Variants in HOXC12 observed in about 807,000 individuals in gnomAD.
The protein encoded by HOXC12 is homeobox protein Hox-C12.
HOXC12 carries 24 observed loss-of-function variants against 20.9 expected under a neutral mutation model. The ratio of observed to expected loss-of-function variants is 1.15; its 90% CI spans 0.83 to 1.61. The LOEUF (loss-of-function observed/expected upper bound fraction) is 1.61, where lower values mean the gene tolerates loss of function less well. Among genes scored for constraint, HOXC12 ranks in the 40% most tolerant of loss-of-function variants. HOXC12 has a pLI of 0.00. For synonymous variants in HOXC12, 202 were observed against 197.7 expected (o/e 1.02, Z -0.18); for missense variants, 436 against 406.9 (o/e 1.07, Z -0.62).
rs1258106063 is a variant in HOXC12, at chr12:53,957,003, A to G, written c.*437A>G. ...AGTGGAACCAAGGCACCTCAACCTC[A>G]CAGTTCCTGGGGTTAGAAGAGGCTG... On this transcript the variant is annotated 3_prime_UTR_variant, in exon 2 of 2. Coordinates refer to ENST00000243103, the MANE Select transcript of HOXC12 (RefSeq NM_173860.3). The G allele has an allele frequency of 1.3e-5, 2 of 154,694 alleles. No homozygotes were observed. The highest frequency in any genetic ancestry group is 4.8e-5 in the African/African-American group (2 of 41,472). The allele number at this position is 154,694 out of a possible 1,614,324, so 9.6% of individuals were successfully genotyped here.
In HOXC12 at chr12:53,955,532, G is replaced by T; in HGVS notation, c.603G>T (p.Ser201=). ...CGTTGAACCCCGGCGGCGGGCTCTCGGCCAGCGGTAAGGACCCCGGCCACT... is the reference window on the plus strand; with the variant it reads ...CGTTGAACCCCGGCGGCGGGCTCTCTGCCAGCGGTAAGGACCCCGGCCACT... ...VSPLNPGGGL[S]ASGAPWYPIN... is the part of the protein sequence containing the mutation. Residue 201 remains serine, a synonymous_variant, in exon 1 of 2, where the codon TCG becomes TCT. Transcript: ENST00000243103. 2 of 1,461,294 alleles carry T rather than the reference G, an allele frequency of 1.4e-6. No individual in the cohort carries two copies. The highest frequency in any genetic ancestry group is 1.8e-6 in the Non-Finnish European group (2 of 1,109,918). 90.5% of individuals were successfully genotyped at this position (1,461,294 alleles called of 1,614,324 possible). A position where few individuals can be genotyped will look rare whatever the true frequency, so the allele number is the denominator to read the frequency against.
chr12:53,956,078 G>C lies in HOXC12; in HGVS notation c.611-250G>C, dbSNP rs140305621. ...TAGAAGGGTCATGAATAGTGCAGCAGGAGGTAGGGTTGAGGAGGTAAGAGC... is the reference window on the plus strand; with the variant it reads ...TAGAAGGGTCATGAATAGTGCAGCACGAGGTAGGGTTGAGGAGGTAAGAGC... On this transcript the variant is annotated intron_variant, in intron 1 of 1. Transcript: ENST00000243103. Among the ~76,000 whole-genome samples the C allele has an allele frequency of 4.5e-3, 680 of 152,228 alleles. 5 individuals are homozygous for C. Among genetic ancestry groups the C allele is most frequent in the African/African-American group, 0.015 (640 of 41,510 alleles).
In HOXC12 at chr12:53,955,309, T is replaced by G; in HGVS notation, c.380T>G (p.Leu127Arg). ...GGGCCCGGGGCAGCGCTGCTCCCGC[T>G]GGAGCCGTCGGGGCCGCCTGCGCTC... ...GAGPGAALLPLEPSGPPALGF... is the reference protein window; with the variant it reads ...GAGPGAALLPREPSGPPALGF... The change falls in exon 1 of 2, where the codon CTG becomes CGG. Residue 127 changes from leucine to arginine, a missense_variant. Leu to Arg is a moderately radical substitution (Grantham distance 102). Transcript: ENST00000243103. 7.2e-7 allele frequency: 1 copy of G among 1,385,700 alleles called. No homozygotes were observed. The highest frequency in any genetic ancestry group is 9.3e-7 in the Non-Finnish European group (1 of 1,078,900). The allele number at this position is 1,385,700 out of a possible 1,614,324, so 85.8% of individuals were successfully genotyped here.
Position 53,958,790 on chromosome 12 carries a change from T to C in HOXC12, c.*2224T>C, listed in dbSNP as rs535951895. 7 of 152,350 alleles carry C rather than the reference T, an allele frequency of 4.6e-5. No homozygotes were observed. Among genetic ancestry groups the C allele is most frequent in the Admixed American group, 3.9e-4 (6 of 15,306 alleles). The allele number at this position is 152,350 out of a possible 1,614,324, so 9.4% of individuals were successfully genotyped here. A position where few individuals can be genotyped will look rare whatever the true frequency, so the allele number is the denominator to read the frequency against. On this transcript the variant is annotated 3_prime_UTR_variant, in exon 2 of 2. Coordinates refer to ENST00000243103, the MANE Select transcript of HOXC12 (RefSeq NM_173860.3). ...CTCTGTGTCTGTCGCTGGTACCTAG[T>C]GTAGTCCCTGTGGATAGTTGCCCTT...
chr12:53,956,806 C>T lies in HOXC12; in HGVS notation c.*240C>T, dbSNP rs756446541. On this transcript the variant is annotated 3_prime_UTR_variant, in exon 2 of 2. Coordinates refer to ENST00000243103, the MANE Select transcript of HOXC12 (RefSeq NM_173860.3). ...GAGAGCAGAAGCCGGCAGCTGCCTG[C>T]GGTTGGCAGGGGCAGGAAGGCTGAG... is the stretch of plus-strand genomic sequence containing the variant. The T allele has an allele frequency of 2.3e-4, 93 of 404,624 alleles. No homozygotes were observed. Among genetic ancestry groups the T allele is most frequent in the Non-Finnish European group, 3.6e-4 (83 of 229,554 alleles). 25.1% of individuals were successfully genotyped at this position (404,624 alleles called of 1,614,324 possible).
At position 53,957,437 on chromosome 12, in the gene HOXC12, C is replaced by G. The variant is rs1938885716; in HGVS notation, c.*871C>G. ...ACACAGCCTCAGGTTCAGTAGCCAC[C>G]CCAGAGGTCCCCAGCTGGCTCTCCA... On this transcript the variant is annotated 3_prime_UTR_variant, in exon 2 of 2. Transcript: ENST00000243103. 1.3e-5 allele frequency: 2 copies of G among 152,368 alleles called. No individual in the cohort carries two copies. Among genetic ancestry groups the G allele is most frequent in the African/African-American group, 4.8e-5 (2 of 41,468 alleles). 9.4% of individuals were successfully genotyped at this position (152,368 alleles called of 1,614,324 possible). A position where few individuals can be genotyped will look rare whatever the true frequency, so the allele number is the denominator to read the frequency against.
chr12:53,955,725 T>G (rs1190121102), intron 1 of HOXC12, among the ~76,000 whole-genome samples, 186 bp downstream of exon 1: 1 of 151,520 alleles, frequency 6.6e-6, no homozygotes, highest in Non-Finnish European at 1.5e-5. Flanking sequence ...AAATGGAGAG[T>G]GTTCCTTTTT....
rs1301799474 is a variant in HOXC12, at chr12:53,954,959, G to C, written c.30G>C (p.Gly10=). MGEHNLLNP[G]FVGPLVNIHT... ...GCGAGCATAATCTCCTGAATCCCGG[G>C]TTTGTGGGGCCGCTGGTAAACATCC... Residue 10 remains glycine (G), a synonymous_variant, in exon 1 of 2, where the codon GGG becomes GGC. Coordinates refer to ENST00000243103, the MANE Select transcript of HOXC12 (RefSeq NM_173860.3). The C allele has an allele frequency of 1.9e-6, 3 of 1,613,390 alleles. No individual in the cohort carries two copies. In the African/African-American group the frequency reaches 4.0e-5, roughly 22 times the overall value.
rs1385657587 is a variant in HOXC12, at chr12:53,955,524, G to T, written c.595G>T (p.Gly199Trp). 9 of 1,465,444 alleles carry T rather than the reference G, an allele frequency of 6.1e-6. No individual in the cohort carries two copies. The highest frequency in any genetic ancestry group is 2.4e-5 in the Admixed American group (1 of 41,278). The allele number at this position is 1,465,444 out of a possible 1,614,324, so 90.8% of individuals were successfully genotyped here. A position where few individuals can be genotyped will look rare whatever the true frequency, so the allele number is the denominator to read the frequency against. Residue 199 changes from glycine (G) to tryptophan (W), a missense_variant, in exon 1 of 2, where the codon GGG (glycine) becomes TGG (tryptophan). Gly to Trp is a radical substitution (Grantham distance 184). Transcript: ENST00000243103. ...GGTATCGCCGTTGAACCCCGGCGGC[G>T]GGCTCTCGGCCAGCGGTAAGGACCC... The part of the protein sequence containing the change: ...SLVSPLNPGG[G>W]LSASGAPWYP...
rs1282579837 is a variant in HOXC12 at position 53,956,453 on chromosome 12, G to A, written c.736G>A (p.Glu246Lys). The A allele has an allele frequency of 1.2e-6, 2 of 1,614,180 alleles. No individual in the cohort carries two copies. The highest frequency in any genetic ancestry group is 2.2e-5 in the South Asian group (2 of 91,068). The change falls in exon 2 of 2, where the codon GAA becomes AAA. Residue 246 changes from glutamate (E) to lysine (K), a missense_variant. Transcript: ENST00000243103. ...NEFITRQRRR[E>K]LSDRLNLSDQ... ...GTTCATCACACGCCAGCGCCGGAGG[G>A]AACTCTCAGACCGCTTGAATCTTAG...
chr12:53,955,228 C>G lies in HOXC12; in HGVS notation c.299C>G (p.Ala100Gly). The G allele has an allele frequency of 6.3e-7, 1 of 1,595,618 alleles. No homozygotes were observed. Among genetic ancestry groups the G allele is most frequent in the Non-Finnish European group, 8.5e-7 (1 of 1,171,286 alleles). Reference sequence around the variant, plus strand: ...AAGGGTTACTACCGCGAGCCGTGCGCCGAGGGTGGCGGCGGGGGCCTGAAG... The same window carrying G: ...AAGGGTTACTACCGCGAGCCGTGCGGCGAGGGTGGCGGCGGGGGCCTGAAG... ...DGKGYYREPC[A>G]EGGGGGLKRE... is the part of the protein sequence containing the mutation. The change falls in exon 1 of 2, where the codon GCC (alanine) becomes GGC (glycine). Residue 100 changes from alanine to glycine, a missense_variant. Coordinates refer to ENST00000243103, the MANE Select transcript of HOXC12 (RefSeq NM_173860.3).
Position 53,955,403 on chromosome 12 carries a change from C to A in HOXC12, c.474C>A (p.His158Gln), listed in dbSNP as rs776873590. The A allele has an allele frequency of 6.0e-6, 9 of 1,508,324 alleles. 1 individual carries two copies. In the South Asian group the frequency reaches 9.9e-5, roughly 17 times the overall value. The allele number at this position is 1,508,324 out of a possible 1,614,324, so 93.4% of individuals were successfully genotyped here. A position where few individuals can be genotyped will look rare whatever the true frequency, so the allele number is the denominator to read the frequency against. ...GDGGGGAGPP[H>Q]DPPSCQSLES... The stretch of plus-strand genomic sequence containing the variant: ...GCGGCGGCGGCGCAGGACCTCCGCA[C>A]GACCCGCCCTCCTGCCAGTCGCTGG... Residue 158 changes from histidine (H) to glutamine (Q), a missense_variant, in exon 1 of 2, where the codon CAC becomes CAA. Physicochemically the swap from His to Gln is conservative, Grantham distance 24. Transcript: ENST00000243103.
At position 53,955,339 on chromosome 12, in the gene HOXC12, T is replaced by A; in HGVS notation, c.410T>A (p.Phe137Tyr). Residue 137 changes from phenylalanine (F) to tyrosine (Y), a missense_variant, in exon 1 of 2, where the codon TTC becomes TAC. By Grantham distance (22) the Phe-to-Tyr change is conservative. Coordinates refer to ENST00000243103, the MANE Select transcript of HOXC12 (RefSeq NM_173860.3). ...CCGTCGGGGCCGCCTGCGCTCGGCT[T>A]CAAGTACGACTACGCGGCGGGCGGC... ...LEPSGPPALG[F>Y]KYDYAAGGGG... is the part of the protein sequence containing the mutation. The A allele has an allele frequency of 7.1e-7, 1 of 1,416,312 alleles. No individual in the cohort carries two copies. The highest frequency in any genetic ancestry group is 9.2e-7 in the Non-Finnish European group (1 of 1,092,652). 87.7% of individuals were successfully genotyped at this position (1,416,312 alleles called of 1,614,324 possible).
chr12:53,955,487 C>A lies in HOXC12; in HGVS notation c.558C>A (p.Asp186Glu). The stretch of plus-strand genomic sequence containing the variant: ...GCAACAAGGGCGCCGGCGCAGGCGA[C>A]CCCGGCAGCTTGGTATCGCCGTTGA... ...NEGNKGAGAG[D>E]PGSLVSPLNP... The change falls in exon 1 of 2, where the codon GAC becomes GAA. Residue 186 changes from aspartate (D) to glutamate (E), a missense_variant. Transcript: ENST00000243103. 1.3e-6 allele frequency: 2 copies of A among 1,494,030 alleles called. No homozygotes were observed. Among genetic ancestry groups the A allele is most frequent in the East Asian group, 2.8e-5 (1 of 36,134 alleles). 92.5% of individuals were successfully genotyped at this position (1,494,030 alleles called of 1,614,324 possible). A position where few individuals can be genotyped will look rare whatever the true frequency, so the allele number is the denominator to read the frequency against.
chr12:53,955,353 G>A lies in HOXC12; in HGVS notation c.424G>A (p.Ala142Thr), dbSNP rs34810584. 4 of 1,422,102 alleles carry A rather than the reference G, an allele frequency of 2.8e-6. No individual in the cohort carries two copies. The highest frequency in any genetic ancestry group is 3.7e-6 in the Non-Finnish European group (4 of 1,091,644). 88.1% of individuals were successfully genotyped at this position (1,422,102 alleles called of 1,614,324 possible). A position where few individuals can be genotyped will look rare whatever the true frequency, so the allele number is the denominator to read the frequency against. The change falls in exon 1 of 2, where the codon GCG (alanine) becomes ACG (threonine). Residue 142 changes from alanine (A) to threonine (T), a missense_variant. By Grantham distance (58) the Ala-to-Thr change is moderately conservative. Transcript: ENST00000243103. ...PPALGFKYDYAAGGGGGDGGG... is the reference protein window; with the variant it reads ...PPALGFKYDYTAGGGGGDGGG... Reference sequence around the variant, plus strand: ...TGCGCTCGGCTTCAAGTACGACTACGCGGCGGGCGGCGGCGGTGGCGACGG... The same window carrying A: ...TGCGCTCGGCTTCAAGTACGACTACACGGCGGGCGGCGGCGGTGGCGACGG...
rs749236123 is a variant in HOXC12, at chr12:53,955,124, G to T, written c.195G>T (p.Pro65=). The T allele has an allele frequency of 3.1e-6, 5 of 1,610,614 alleles. No homozygotes were observed. The highest frequency in any genetic ancestry group is 4.2e-6 in the Non-Finnish European group (5 of 1,178,786). Residue 65 remains proline (P), a synonymous_variant, in exon 1 of 2, where the codon CCG becomes CCT. Coordinates refer to ENST00000243103, the MANE Select transcript of HOXC12 (RefSeq NM_173860.3). ...WPSAEPCNGY[P]QPYLGSPVSL... is the part of the protein sequence containing the mutation. ...CGGCGGAGCCGTGCAATGGCTACCC[G>T]CAGCCCTACCTCGGCAGCCCAGTGT...
rs756665453 is a variant in HOXC12, at chr12:53,956,568, G to A, written c.*2G>A. 8.7e-6 allele frequency: 14 copies of A among 1,603,106 alleles called. 2 individuals are homozygous for A. The South Asian group carries it at 1.6e-4, about 18-fold the overall frequency. On this transcript the variant is annotated 3_prime_UTR_variant, in exon 2 of 2. Transcript: ENST00000243103. ...GAGCAAGCTCTCTCCTTCTTTTAAG[G>A]TGCAGGACACGGGCGCCAGCCCCAG...
At position 53,955,548 on chromosome 12, in the gene HOXC12, C is replaced by G. The variant is rs1043279301; in HGVS notation, c.610+9C>G. ...CGGGCTCTCGGCCAGCGGTAAGGACCCCGGCCACTCAAGCGGCGGATTCAA... is the reference window on the plus strand; with the variant it reads ...CGGGCTCTCGGCCAGCGGTAAGGACGCCGGCCACTCAAGCGGCGGATTCAA... On this transcript the variant is annotated intron_variant, in intron 1 of 1. Coordinates refer to ENST00000243103, the MANE Select transcript of HOXC12 (RefSeq NM_173860.3). 1.4e-6 allele frequency: 2 copies of G among 1,411,520 alleles called. No individual in the cohort carries two copies. Among genetic ancestry groups the G allele is most frequent in the African/African-American group, 3.0e-5 (2 of 67,034 alleles). The allele number at this position is 1,411,520 out of a possible 1,614,324, so 87.4% of individuals were successfully genotyped here. A position where few individuals can be genotyped will look rare whatever the true frequency, so the allele number is the denominator to read the frequency against.
rs377346613 is a variant in HOXC12 at position 53,956,437 on chromosome 12, A to T, written c.720A>T (p.Thr240=). The part of the protein sequence containing the change: ...EGEFLVNEFI[T]RQRRRELSDR... ...AGTTTCTGGTCAACGAGTTCATCAC[A>T]CGCCAGCGCCGGAGGGAACTCTCAG... The change falls in exon 2 of 2, where the codon ACA becomes ACT. Residue 240 remains threonine (T), a synonymous_variant. Coordinates refer to ENST00000243103, the MANE Select transcript of HOXC12 (RefSeq NM_173860.3). 2 of 1,614,010 alleles carry T rather than the reference A, an allele frequency of 1.2e-6. No homozygotes were observed. Among genetic ancestry groups the T allele is most frequent in the Non-Finnish European group, 1.7e-6 (2 of 1,180,006 alleles).
Sources: gnomAD v4.1 joint callset for allele counts (sites outside exome capture counted in the v4.1 genomes callset) on GRCh38, gnomAD v4.1.1 for gene constraint, MANE v1.5 for transcripts, NCBI Gene and HGNC (gene_info 2026-07-23, HGNC 2026-07-21) for gene names.